Variants in MRAS observed in about 807,000 individuals in gnomAD.
MRAS encodes muscle RAS oncogene homolog.
Under a neutral mutation model 20.9 loss-of-function variants are expected in MRAS, and 4 were observed. The ratio of observed to expected loss-of-function variants is 0.19; its 90% CI spans 0.09 to 0.44. The LOEUF is 0.44. Ranked by LOEUF, MRAS falls within the 20% of genes least tolerant of loss-of-function variation. MRAS has a pLI of 0.99. For synonymous variants in MRAS, 98 were observed against 102.9 expected (o/e 0.95, Z 0.29); for missense variants, 154 against 277.5 (o/e 0.56, Z 3.16).
At chr3:138,376,929 C>T (rs1210677785) in intron 2 of MRAS, among the ~76,000 whole-genome samples, 1 of 152,212 alleles carries the variant, frequency 6.6e-6, no homozygotes, top group Non-Finnish European at 1.5e-5. Flanking sequence ...CCTGGTACAT[C>T]GTTGGAACTC....
intron 2 of MRAS, among the ~76,000 whole-genome samples, chr3:138,393,177 C>T (rs1560184345): frequency 6.6e-6 from 1 of 152,196 alleles, no homozygotes; most frequent in Non-Finnish European, 1.5e-5. Context: ...TTTAGTTCTA[C>T]ATTATCATCT....
rs1398612847 is a variant in MRAS at position 138,405,068 on chromosome 3, A to G, written c.*2799A>G. 1 of 152,020 alleles carries G rather than the reference A, an allele frequency of 6.6e-6. No individual in the cohort carries two copies. The highest frequency in any genetic ancestry group is 6.6e-5 in the Admixed American group (1 of 15,244). 9.4% of individuals were successfully genotyped at this position (152,020 alleles called of 1,614,324 possible). On this transcript the variant is annotated 3_prime_UTR_variant, in exon 6 of 6. Transcript: ENST00000423968. The stretch of plus-strand genomic sequence containing the variant: ...AATCCTAGCCATCCTCTCCACTCCC[A>G]CGGCTGGGGACAATGGCCACTTACT...
At chr3:138,400,857 C>G (rs868704071) in intron 5 of MRAS, among the ~76,000 whole-genome samples, 1 of 152,194 alleles carries the variant, frequency 6.6e-6, no homozygotes, top group Non-Finnish European at 1.5e-5. Flanking sequence ...AGTGGAAATG[C>G]CTTCCTGTCT....
chr3:138,350,264 A>G (rs1168713720), intron 1 of MRAS: 2 of 152,198 alleles, frequency 1.3e-5, no homozygotes, highest in Non-Finnish European at 2.9e-5. Context: ...AATTTCCTGT[A>G]AATCACATGT....
intron 2 of MRAS, among the ~76,000 whole-genome samples, chr3:138,379,953 C>G (rs1324705220): frequency 1.3e-5 from 2 of 152,124 alleles, no homozygotes; most frequent in Non-Finnish European, 2.9e-5. Context: ...CAGCAGTATC[C>G]AAACATTCTC....
intron 3 of MRAS, among the ~76,000 whole-genome samples, 181 bp from the exon 4 acceptor site, chr3:138,398,288 G>A (rs993931003): frequency 6.6e-6 from 1 of 152,140 alleles, no homozygotes; most frequent in African/African-American, 2.4e-5. Context: ...AGCAGCCCCC[G>A]GGCCCTTTCC....
rs1389267590 is a variant in MRAS at position 138,403,084 on chromosome 3, A to G, written c.*815A>G. 1 of 152,214 alleles carries G rather than the reference A, an allele frequency of 6.6e-6. No homozygotes were observed. Among genetic ancestry groups the G allele is most frequent in the East Asian group, 1.9e-4 (1 of 5,194 alleles). 9.4% of individuals were successfully genotyped at this position (152,214 alleles called of 1,614,324 possible). A position where few individuals can be genotyped will look rare whatever the true frequency, so the allele number is the denominator to read the frequency against. ...TGGCTGTCATGAGCATGTCAGTTCTAAAAGGGGTTTTCATTATCCTGGAAA... is the reference window on the plus strand; with the variant it reads ...TGGCTGTCATGAGCATGTCAGTTCTGAAAGGGGTTTTCATTATCCTGGAAA... On this transcript the variant is annotated 3_prime_UTR_variant, in exon 6 of 6. Transcript: ENST00000423968.
At chr3:138,354,977 G>A (rs1328564076) in intron 1 of MRAS, among the ~76,000 whole-genome samples, 1 of 151,894 alleles carries the variant, frequency 6.6e-6, no homozygotes, top group Non-Finnish European at 1.5e-5. Flanking sequence ...TAGAGATGGG[G>A]TCTCCCTTTG....
chr3:138,398,505 C>A lies in MRAS; in HGVS notation c.384C>A (p.Val128=). ...CGATGATCCTCGTGGCCAACAAGGTCGATTTGATGCACTTGAGGAAGATCA... is the reference window on the plus strand; with the variant it reads ...CGATGATCCTCGTGGCCAACAAGGTAGATTTGATGCACTTGAGGAAGATCA... The part of the protein sequence containing the change: ...SFPMILVANK[V]DLMHLRKITR... Residue 128 remains valine, a synonymous_variant, in exon 4 of 6, where the codon GTC becomes GTA. Coordinates refer to ENST00000423968, the MANE Select transcript of MRAS (RefSeq NM_001085049.3). 6.2e-7 allele frequency: 1 copy of A among 1,614,034 alleles called. No homozygotes were observed. The highest frequency in any genetic ancestry group is 1.1e-5 in the South Asian group (1 of 91,048).
intron 2 of MRAS, among the ~76,000 whole-genome samples, chr3:138,379,357 CTTTTTTTTTTTTTT>C (rs35120152): frequency 1.3e-5 from 1 of 77,598 alleles, no homozygotes; most frequent in Non-Finnish European, 2.3e-5. Context: ...GACAGAATGT[CTTTTTTTTTTTTTT>C]TTTTTTTTTT....
At chr3:138,373,649 G>A (rs2054720587) in intron 2 of MRAS, among the ~76,000 whole-genome samples, 1 of 152,182 alleles carries the variant, frequency 6.6e-6, no homozygotes, top group Non-Finnish European at 1.5e-5. Context: ...ACACACCCTC[G>A]AGGAGATGCT....
intron 2 of MRAS, among the ~76,000 whole-genome samples, chr3:138,396,894 AGAG>A (rs1236170394): frequency 1.3e-5 from 2 of 152,100 alleles, no homozygotes; most frequent in African/African-American, 4.8e-5. Flanking sequence ...TTTCATTGAT[AGAG>A]GAGGAAAGGG....
chr3:138,354,722 G>A (rs7639850), intron 1 of MRAS, among the ~76,000 whole-genome samples: 99,239 of 152,118 alleles, frequency 0.65, 32,411 homozygotes, highest in Admixed American at 0.76. Context: ...AGGTTTGTAT[G>A]TTTGGAAGAC....
At chr3:138,380,382 G>A (rs994802057) in intron 2 of MRAS, among the ~76,000 whole-genome samples, 4 of 152,000 alleles carry the variant, frequency 2.6e-5, no homozygotes, top group East Asian at 1.9e-4. Context: ...GTGCGATCTC[G>A]GTTCACTGCA....
At chr3:138,388,071 C>T (rs1294037281) in intron 2 of MRAS, among the ~76,000 whole-genome samples, 1 of 152,168 alleles carries the variant, frequency 6.6e-6, no homozygotes, top group Non-Finnish European at 1.5e-5. Context: ...GACTTTAGCC[C>T]CCTTCCCCTT....
rs751145113 is a variant in MRAS at position 138,400,597 on chromosome 3, C to A, written c.511C>A (p.Leu171Ile). ...CAATGTCGACAAAGCCTTCCATGACCTCGTTAGAGTAATTAGGTGAGCACT... is the reference window on the plus strand; with the variant it reads ...CAATGTCGACAAAGCCTTCCATGACATCGTTAGAGTAATTAGGTGAGCACT... ...PLNVDKAFHD[L>I]VRVIRQQIPE... Residue 171 changes from leucine (L) to isoleucine (I), a missense_variant, in exon 5 of 6, where the codon CTC (leucine) becomes ATC (isoleucine). Around this residue, in one of 3 missense-constraint regions of MRAS, gnomAD observed 125 missense variants for 213.5 expected, o/e 0.59. Coordinates refer to ENST00000423968, the MANE Select transcript of MRAS (RefSeq NM_001085049.3). 1 of 1,612,330 alleles carries A rather than the reference C, an allele frequency of 6.2e-7. No homozygotes were observed. Among genetic ancestry groups the A allele is most frequent in the South Asian group, 1.1e-5 (1 of 91,034 alleles).
Position 138,373,012 on chromosome 3 carries a change from C to T in MRAS, c.129C>T (p.Asp43=). The T allele has an allele frequency of 6.4e-7, 1 of 1,557,574 alleles. No homozygotes were observed. The highest frequency in any genetic ancestry group is 8.7e-7 in the Non-Finnish European group (1 of 1,154,706). The change falls in exon 2 of 6, where the codon GAC becomes GAT. Residue 43 remains aspartate, a synonymous_variant. Transcript: ENST00000423968. ...AGAAGATCTTTGTGCCTGACTATGACCCCACCATTGAAGACTCCTACCTGA... is the reference window on the plus strand; with the variant it reads ...AGAAGATCTTTGTGCCTGACTATGATCCCACCATTGAAGACTCCTACCTGA... ...FFQKIFVPDY[D]PTIEDSYLKH... is the part of the protein sequence containing the mutation.
Position 138,403,854 on chromosome 3 carries a change from C to G in MRAS, c.*1585C>G, listed in dbSNP as rs2055406115. 1 of 152,244 alleles carries G rather than the reference C, an allele frequency of 6.6e-6. No homozygotes were observed. Among genetic ancestry groups the G allele is most frequent in the Admixed American group, 6.5e-5 (1 of 15,284 alleles). The allele number at this position is 152,244 out of a possible 1,614,324, so 9.4% of individuals were successfully genotyped here. Reference sequence around the variant, plus strand: ...GCCTGGCCACTCTGGAGAAAGAAACCCAAGGAAAGTGAGCACCCAACTGGA... The same window carrying G: ...GCCTGGCCACTCTGGAGAAAGAAACGCAAGGAAAGTGAGCACCCAACTGGA... On this transcript the variant is annotated 3_prime_UTR_variant, in exon 6 of 6. Coordinates refer to ENST00000423968, the MANE Select transcript of MRAS (RefSeq NM_001085049.3).
chr3:138,365,712 A>T (rs1428819599), intron 1 of MRAS, among the ~76,000 whole-genome samples: 1 of 152,220 alleles, frequency 6.6e-6, no homozygotes, highest in Non-Finnish European at 1.5e-5. Context: ...AGGGAACCAG[A>T]AAGGTAGTAG....
Sources: allele counts gnomAD v4.1 joint callset (sites outside exome capture counted in the v4.1 genomes callset), GRCh38; gene constraint gnomAD v4.1.1; regional missense constraint gnomAD v4.1.1; transcripts MANE v1.5; gene names NCBI Gene and HGNC (gene_info 2026-07-23, HGNC 2026-07-21).